Variants in TBC1D8 observed in about 807,000 individuals in gnomAD.
TBC1D8 encodes the protein BUB2-like protein 1.
TBC1D8 carries 65 observed loss-of-function variants against 118.8 expected under a neutral mutation model. That is an observed-to-expected ratio of 0.55 (90% confidence interval 0.45 to 0.67). The LOEUF is 0.67. Ranked by LOEUF, TBC1D8 falls within the 30% of genes least tolerant of loss-of-function variation. The probability of loss-of-function intolerance (pLI) is 0.00; values close to 1 mark genes in which losing one functional copy is unlikely to be tolerated. For synonymous variants in TBC1D8, 566 were observed against 595.8 expected (o/e 0.95, Z 0.73); for missense variants, 1,376 against 1,471.2 (o/e 0.94, Z 1.06).
intron 10 of TBC1D8, 40 bp from the exon 11 acceptor site, chr2:101,032,425 T>G (rs745673598): frequency 6.5e-7 from 1 of 1,548,496 alleles, no homozygotes. Flanking sequence ...GACTGGCCCA[T>G]GTGATGCCAC....
Position 101,038,902 on chromosome 2 carries a change from G to A in TBC1D8, c.1081-247C>T, listed in dbSNP as rs370334132. On this transcript the variant is annotated intron_variant, in intron 6 of 19. Transcript: ENST00000409318. ...TCGGCGTATGACCCAGCCTTGAAGA[G>A]GAGGGGAATTCGGACAGAGGCTCCA... Among the ~76,000 whole-genome samples, 385 of 152,354 alleles carry A rather than the reference G, an allele frequency of 2.5e-3. 3 individuals carry two copies. The highest frequency in any genetic ancestry group is 8.3e-3 in the African/African-American group (347 of 41,574).
At chr2:101,140,953 G>A (rs2104278077) in intron 1 of TBC1D8, among the ~76,000 whole-genome samples, 1 of 151,922 alleles carries the variant, frequency 6.6e-6, no homozygotes, top group African/African-American at 2.4e-5. Flanking sequence ...GTAAAGACGG[G>A]GTTTCACCAC....
At chr2:101,084,251 T>C (rs565035033) in intron 2 of TBC1D8, among the ~76,000 whole-genome samples, 106 of 152,122 alleles carry the variant, frequency 7.0e-4, no homozygotes, top group Non-Finnish European at 1.3e-3. Context: ...ACAAAATGCA[T>C]TAGGAACACA....
intron 1 of TBC1D8, among the ~76,000 whole-genome samples, chr2:101,127,877 C>G (rs1678422402): frequency 6.6e-6 from 1 of 152,202 alleles, no homozygotes; most frequent in Non-Finnish European, 1.5e-5. Flanking sequence ...CCTAGGACCA[C>G]ACACACAGCT....
At chr2:101,046,989 CT>C (rs1012754623) in intron 5 of TBC1D8, among the ~76,000 whole-genome samples, 1 of 152,334 alleles carries the variant, frequency 6.6e-6, no homozygotes, top group African/African-American at 2.4e-5. Context: ...GCCGAATACA[CT>C]TTTTTTCACC....
intron 1 of TBC1D8, among the ~76,000 whole-genome samples, chr2:101,134,170 TTCTC>T (rs34487679): frequency 1.6e-3 from 204 of 126,270 alleles, no homozygotes; most frequent in South Asian, 6.7e-3. Context: ...TCTCTTCTCT[TTCTC>T]TCTCTCTCTC....
chr2:101,008,070 C>A lies in TBC1D8; in HGVS notation c.3219G>T (p.Ser1073=). 1 of 1,613,940 alleles carries A rather than the reference C, an allele frequency of 6.2e-7. No individual in the cohort carries two copies. Among genetic ancestry groups the A allele is most frequent in the Non-Finnish European group, 8.5e-7 (1 of 1,179,884 alleles). Residue 1073 remains serine, a synonymous_variant, in exon 20 of 20, where the codon TCG becomes TCT. Transcript: ENST00000409318. ...LRASAPSPED[S]VFADTGKTPQ... ...GCGTCTTCCCAGTGTCTGCAAAAAC[C>A]GAGTCCTCAGGAGAAGGAGCTGAAG...
At chr2:101,054,480 A>G in intron 3 of TBC1D8, 144 bp from the exon 4 acceptor site, 2 of 767,100 alleles carry the variant, frequency 2.6e-6, no homozygotes. Flanking sequence ...CCTGACGAGG[A>G]GAATGGCTCA....
chr2:101,018,966 G>A (rs749118890), intron 17 of TBC1D8: 3 of 1,607,668 alleles, frequency 1.9e-6, no homozygotes, highest in African/African-American at 2.7e-5. Flanking sequence ...ACCTGACATG[G>A]TACCAAATCA....
chr2:101,150,377 T>C (rs1405790640), intron 1 of TBC1D8, among the ~76,000 whole-genome samples: 4 of 152,190 alleles, frequency 2.6e-5, no homozygotes, highest in African/African-American at 9.7e-5. Flanking sequence ...AAAAGTCTAA[T>C]TGTTCCTTCA....
At chr2:101,037,743 A>G (rs925997264) in intron 7 of TBC1D8, 35 bp from the exon 8 acceptor site, 12 of 1,604,944 alleles carry the variant, frequency 7.5e-6, no homozygotes, top group Non-Finnish European at 7.6e-6. Context: ...AGAGAGAGAG[A>G]GGAGAGGAGA....
chr2:101,053,245 AAAAG>A (rs1311137679), intron 4 of TBC1D8, among the ~76,000 whole-genome samples: 1 of 152,208 alleles, frequency 6.6e-6, no homozygotes, highest in Non-Finnish European at 1.5e-5. Context: ...AAGCATTTCA[AAAAG>A]AAGGAAGGTG....
intron 5 of TBC1D8, among the ~76,000 whole-genome samples, chr2:101,043,551 G>GT (rs1430825321): frequency 2.0e-5 from 3 of 152,302 alleles, no homozygotes; most frequent in African/African-American, 4.8e-5. Context: ...TGAATACATG[G>GT]TGAGTATTCA....
chr2:101,011,206 C>T (rs944423673), intron 18 of TBC1D8, 180 bp from the exon 19 acceptor site: 3 of 703,116 alleles, frequency 4.3e-6, no homozygotes, highest in African/African-American at 3.6e-5. Context: ...GGGACTTCTG[C>T]TCTAAGAGGA....
intron 1 of TBC1D8, among the ~76,000 whole-genome samples, chr2:101,091,708 G>T (rs1676048139): frequency 6.6e-6 from 1 of 152,142 alleles, no homozygotes; most frequent in Non-Finnish European, 1.5e-5. Context: ...CTGGGAGACA[G>T]AGCAGGACCT....
intron 19 of TBC1D8, among the ~76,000 whole-genome samples, chr2:101,010,518 A>G (rs1220107733): frequency 6.6e-6 from 1 of 152,114 alleles, no homozygotes; most frequent in African/African-American, 2.4e-5. Flanking sequence ...TTTAATCACT[A>G]TGATGTTCCG....
At chr2:101,143,580 G>C (rs1679204431) in intron 1 of TBC1D8, among the ~76,000 whole-genome samples, 1 of 152,134 alleles carries the variant, frequency 6.6e-6, no homozygotes, top group Non-Finnish European at 1.5e-5. Flanking sequence ...CCTACCCCTT[G>C]AGAGGGTCTC....
intron 5 of TBC1D8, among the ~76,000 whole-genome samples, chr2:101,046,088 C>G (rs1395348135): frequency 6.6e-6 from 1 of 152,156 alleles, no homozygotes; most frequent in Admixed American, 6.5e-5. Flanking sequence ...CGTGCTTTTC[C>G]TCAAAGCCCA....
intron 18 of TBC1D8, 36 bp from the exon 19 acceptor site, chr2:101,011,062 A>G: frequency 6.3e-7 from 1 of 1,593,128 alleles, no homozygotes; most frequent in Non-Finnish European, 8.6e-7. Flanking sequence ...GGTTTAATTT[A>G]AATAAATTCA....
Sources: gnomAD v4.1 joint callset for allele counts (sites outside exome capture counted in the v4.1 genomes callset) on GRCh38, gnomAD v4.1.1 for gene constraint, MANE v1.5 for transcripts, NCBI Gene and HGNC (gene_info 2026-07-23, HGNC 2026-07-21) for gene names.